Variants in MYO9A observed in about 807,000 individuals in gnomAD.
MYO9A encodes the protein unconventional myosin-IXa.
A neutral mutation model predicts 293.3 loss-of-function variants in MYO9A; 103 were observed. The observed-to-expected ratio is 0.35, with a 90% CI of 0.30 to 0.41. MYO9A has a LOEUF of 0.41. MYO9A is among the 10% of genes least tolerant of loss of function. The pLI is 1.00. For synonymous variants in MYO9A, 1,001 were observed against 1,035.7 expected (o/e 0.97, Z 0.64); for missense variants, 2,685 against 3,033.0 (o/e 0.89, Z 2.69).
chr15:71,935,397 T>A lies in MYO9A; in HGVS notation c.2466A>T (p.Gly822=). The A allele has an allele frequency of 6.2e-7, 1 of 1,613,746 alleles. No homozygotes were observed. The highest frequency in any genetic ancestry group is 8.5e-7 in the Non-Finnish European group (1 of 1,179,746). Reference sequence around the variant, plus strand: ...TGCTGCTAGTTGAATTAGCAAATATTCCATCTTTATCAAGCAAGGAGGTGC... The same window carrying A: ...TGCTGCTAGTTGAATTAGCAAATATACCATCTTTATCAAGCAAGGAGGTGC... ...SSGTSLLDKD[G]IFANSTSSKL... Residue 822 remains glycine (G), a synonymous_variant, in exon 17 of 42, where the codon GGA becomes GGT. Transcript: ENST00000356056.
intron 37 of MYO9A, among the ~76,000 whole-genome samples, chr15:71,850,719 T>C (rs970932609): frequency 3.1e-5 from 4 of 130,740 alleles, no homozygotes; most frequent in African/African-American, 1.2e-4. Context: ...TGAGCTGAGA[T>C]TGCGTCACTG....
At chr15:71,933,801 A>C in intron 17 of MYO9A, 92 bp from the exon 18 acceptor site, 1 of 1,088,028 alleles carries the variant, frequency 9.2e-7, no homozygotes, top group South Asian at 1.4e-5. Context: ...GGTCTCTCCT[A>C]AAACAACAGA....
chr15:71,918,508 A>G (rs2058070990), intron 18 of MYO9A, among the ~76,000 whole-genome samples: 1 of 152,184 alleles, frequency 6.6e-6, no homozygotes, highest in South Asian at 2.1e-4. Context: ...AAAAAAAGCC[A>G]TGTAAAACAA....
intron 1 of MYO9A, among the ~76,000 whole-genome samples, chr15:72,081,845 G>A (rs370719970): frequency 6.6e-6 from 1 of 152,216 alleles, no homozygotes; most frequent in East Asian, 1.9e-4. Flanking sequence ...AAGGTCAGAT[G>A]GTTGTAGGTG....
chr15:72,055,326 A>T (rs1251202519), intron 1 of MYO9A, among the ~76,000 whole-genome samples: 1 of 152,148 alleles, frequency 6.6e-6, no homozygotes, highest in Non-Finnish European at 1.5e-5. Flanking sequence ...ACAAAAATCA[A>T]CTCAAAATGG....
intron 1 of MYO9A, among the ~76,000 whole-genome samples, chr15:72,091,949 C>A (rs1482642100): frequency 6.6e-6 from 1 of 152,132 alleles, no homozygotes; most frequent in East Asian, 1.9e-4. Flanking sequence ...ATCTCCTGAC[C>A]TTGTGATCCA....
At position 71,898,896 on chromosome 15, in the gene MYO9A, T is replaced by C; in HGVS notation, c.3607A>G (p.Ile1203Val). Residue 1203 changes from isoleucine (I) to valine (V), a missense_variant, in exon 25 of 42, where the codon ATA (isoleucine) becomes GTA (valine). This residue lies in a region of MYO9A where 1,434 missense variants were observed against 1,497.7 expected (regional missense o/e 0.96). Coordinates refer to ENST00000356056, the MANE Select transcript of MYO9A (RefSeq NM_006901.4). ...GATTTACATTCCTCTATGGCTTTTA[T>C]TCTGTTGTCAAAAGAACAATCCTCC... is the stretch of plus-strand genomic sequence containing the variant. ...GWEDCSFDNRIKAIEECKSVI... is the reference protein window; with the variant it reads ...GWEDCSFDNRVKAIEECKSVI... 6.2e-7 allele frequency: 1 copy of C among 1,614,148 alleles called. No individual in the cohort carries two copies. The highest frequency in any genetic ancestry group is 1.1e-5 in the South Asian group (1 of 91,082).
At chr15:71,950,627 T>A (rs2059027808) in intron 15 of MYO9A, among the ~76,000 whole-genome samples, 2 of 152,212 alleles carry the variant, frequency 1.3e-5, no homozygotes, top group Non-Finnish European at 2.9e-5. Context: ...ACACTTACCT[T>A]TGTTCCTCTT....
intron 19 of MYO9A, among the ~76,000 whole-genome samples, chr15:71,909,783 A>G (rs2057776994): frequency 6.6e-6 from 1 of 152,130 alleles, no homozygotes; most frequent in Admixed American, 6.6e-5. Context: ...AATTACATCA[A>G]CATACAAATT....
intron 1 of MYO9A, among the ~76,000 whole-genome samples, chr15:72,075,101 A>G (rs2079309491): frequency 6.6e-6 from 1 of 151,704 alleles, no homozygotes; most frequent in Non-Finnish European, 1.5e-5. Flanking sequence ...AGCAGCTGGG[A>G]TTATAGGTAT....
At chr15:71,985,839 C>T (rs1473731010) in intron 11 of MYO9A, among the ~76,000 whole-genome samples, 2 of 152,140 alleles carry the variant, frequency 1.3e-5, no homozygotes, top group Admixed American at 6.5e-5. Flanking sequence ...AGTCTGACAA[C>T]AACAAGTAAA....
chr15:71,902,860 TA>T, intron 22 of MYO9A, 80 bp downstream of exon 22: 1 of 1,149,366 alleles, frequency 8.7e-7, no homozygotes, highest in Non-Finnish European at 1.2e-6. Context: ...ATCTTTTTAA[TA>T]AACAATCTCA....
At chr15:72,061,703 C>A (rs1325549292) in intron 1 of MYO9A, among the ~76,000 whole-genome samples, 1 of 151,978 alleles carries the variant, frequency 6.6e-6, no homozygotes, top group East Asian at 1.9e-4. Context: ...TCCTAAAGTT[C>A]CCAACTCCAG....
chr15:72,066,496 A>AAAG lies in MYO9A; in HGVS notation c.-71-19863_-71-19862insCTT, dbSNP rs1555417586. On this transcript the variant is annotated intron_variant, in intron 1 of 41. Transcript: ENST00000356056. Reference sequence around the variant, plus strand: ...TGAGACTTGGTCTCAAAAAAAAAAAAAAAGAAAGAAAGAAAGAAAAAAGCC... The same window carrying AAAG: ...TGAGACTTGGTCTCAAAAAAAAAAAAAAGAAAGAAAGAAAGAAAGAAAAAAGCC... Among the ~76,000 whole-genome samples the AAAG allele has an allele frequency of 2.0e-4, 30 of 151,348 alleles. No homozygotes were observed. The East Asian group carries it at 3.1e-3, about 16-fold the overall frequency.
intron 1 of MYO9A, among the ~76,000 whole-genome samples, chr15:72,075,867 A>C (rs1476584097): frequency 6.6e-6 from 1 of 152,230 alleles, no homozygotes; most frequent in African/African-American, 2.4e-5. Flanking sequence ...TGCAAGAAGG[A>C]ATGAAGAGTA....
intron 39 of MYO9A, among the ~76,000 whole-genome samples, chr15:71,842,349 C>T (rs1295185221): frequency 2.0e-5 from 3 of 151,970 alleles, no homozygotes; most frequent in East Asian, 2.0e-4. Context: ...TGCACTCCAG[C>T]GTGGGTGACA....
At chr15:72,089,067 T>G (rs1279495672) in intron 1 of MYO9A, among the ~76,000 whole-genome samples, 1 of 152,224 alleles carries the variant, frequency 6.6e-6, no homozygotes, top group East Asian at 1.9e-4. Context: ...CTCCCTGGAA[T>G]GGGACACTGC....
chr15:71,895,026 C>A (rs2057284053), intron 25 of MYO9A, among the ~76,000 whole-genome samples: 1 of 152,204 alleles, frequency 6.6e-6, no homozygotes, highest in African/African-American at 2.4e-5. Context: ...AAAAGTAAGT[C>A]TAGGAGCCAT....
intron 1 of MYO9A, among the ~76,000 whole-genome samples, chr15:72,082,495 T>C (rs957422123): frequency 1.3e-5 from 2 of 152,064 alleles, no homozygotes; most frequent in Non-Finnish European, 2.9e-5. Context: ...TGGACAGGGA[T>C]AGTTTGACTT....
Sources: gnomAD v4.1 joint callset for allele counts (sites outside exome capture counted in the v4.1 genomes callset) on GRCh38, gnomAD v4.1.1 for gene constraint, gnomAD v4.1.1 regional missense constraint, MANE v1.5 for transcripts, NCBI Gene and HGNC (gene_info 2026-07-23, HGNC 2026-07-21) for gene names.